Variants in NDST4 observed in about 807,000 individuals in gnomAD.
NDST4 encodes the protein N-heparan sulfate sulfotransferase 4.
A neutral mutation model predicts 100.8 loss-of-function variants in NDST4; 63 were observed. The ratio of observed to expected loss-of-function variants is 0.62; its 90% CI spans 0.51 to 0.77. NDST4 has a LOEUF of 0.77. NDST4 is among the 30% of genes least tolerant of loss of function. The pLI is 0.00. For synonymous variants in NDST4, 377 were observed against 361.8 expected, an observed-to-expected ratio of 1.04 and a Z score of -0.48; for missense variants, 943 against 1,018.4, an observed-to-expected ratio of 0.93 and a Z score of 1.01.
intron 4 of NDST4, among the ~76,000 whole-genome samples, chr4:114,943,252 A>G (rs1406869167): frequency 6.6e-6 from 1 of 151,692 alleles, no homozygotes; most frequent in Non-Finnish European, 1.5e-5. Flanking sequence ...CTAAATATAC[A>G]TTGACATATA....
In NDST4 at chr4:115,077,163, A is replaced by C; in HGVS notation, c.-127T>G. ...ATGTAACCATCGCAAATCATGTAAA[A>C]TGTTTGAAGGGAGCACAACTGAGTT... is the stretch of plus-strand genomic sequence containing the variant. On this transcript the variant is annotated 5_prime_UTR_variant, in exon 2 of 14. Transcript: ENST00000264363. The C allele has an allele frequency of 1.1e-6, 1 of 905,820 alleles. No individual in the cohort carries two copies. Among genetic ancestry groups the C allele is most frequent in the Non-Finnish European group, 1.6e-6 (1 of 616,726 alleles). The allele number at this position is 905,820 out of a possible 1,614,324, so 56.1% of individuals were successfully genotyped here. A position where few individuals can be genotyped will look rare whatever the true frequency, so the allele number is the denominator to read the frequency against.
chr4:114,989,596 T>C (rs1726991328), intron 2 of NDST4, among the ~76,000 whole-genome samples: 1 of 152,150 alleles, frequency 6.6e-6, no homozygotes, highest in East Asian at 1.9e-4. Context: ...ATACATAATA[T>C]TCATGATTTA....
At chr4:114,834,797 G>C (rs568045064) in intron 11 of NDST4, among the ~76,000 whole-genome samples, 1 of 152,078 alleles carries the variant, frequency 6.6e-6, no homozygotes, top group Non-Finnish European at 1.5e-5. Flanking sequence ...ACTTGTTATC[G>C]GTCTATTCAG....
intron 8 of NDST4, among the ~76,000 whole-genome samples, chr4:114,852,277 T>C (rs148867118): frequency 6.6e-6 from 1 of 152,254 alleles, no homozygotes; most frequent in Admixed American, 6.5e-5. Context: ...ATATGTAAAA[T>C]ATTTGAAAGT....
At chr4:114,874,415 A>C (rs1283021675) in intron 6 of NDST4, among the ~76,000 whole-genome samples, 5 of 152,182 alleles carry the variant, frequency 3.3e-5, no homozygotes. Context: ...TTCTAAGCTG[A>C]GGCATGCTGC....
chr4:114,880,016 G>T (rs1025211512), intron 6 of NDST4, among the ~76,000 whole-genome samples: 11 of 151,870 alleles, frequency 7.2e-5, no homozygotes, highest in African/African-American at 2.7e-4. Flanking sequence ...TTCAAGACTG[G>T]CTAGAGTGTA....
intron 1 of NDST4, among the ~76,000 whole-genome samples, chr4:115,083,342 C>T (rs1315460167): frequency 6.6e-6 from 1 of 151,964 alleles, no homozygotes; most frequent in Non-Finnish European, 1.5e-5. Context: ...ACCTGTAGTT[C>T]CAGCTACTTG....
At chr4:115,027,509 G>A (rs1433264568) in intron 2 of NDST4, among the ~76,000 whole-genome samples, 1 of 152,030 alleles carries the variant, frequency 6.6e-6, no homozygotes, top group African/African-American at 2.4e-5. Context: ...AGAGACTAGG[G>A]ATTCACAGGA....
intron 1 of NDST4, among the ~76,000 whole-genome samples, chr4:115,079,339 C>A (rs1251484014): frequency 2.3e-5 from 3 of 132,458 alleles, no homozygotes; most frequent in Admixed American, 1.6e-4. Flanking sequence ...CCAGTCTGGG[C>A]AACAAGAGCA....
At chr4:115,038,342 G>A (rs1458865703) in intron 2 of NDST4, among the ~76,000 whole-genome samples, 1 of 152,082 alleles carries the variant, frequency 6.6e-6, no homozygotes, top group Admixed American at 6.6e-5. Context: ...AAAGGAGAAA[G>A]CTGGGGAAAA....
At chr4:115,069,369 C>T (rs1729021147) in intron 2 of NDST4, among the ~76,000 whole-genome samples, 1 of 151,992 alleles carries the variant, frequency 6.6e-6, no homozygotes, top group Admixed American at 6.6e-5. Flanking sequence ...AACAGACAAC[C>T]TACAGAATGG....
chr4:115,104,620 T>A (rs1013317788), intron 1 of NDST4, among the ~76,000 whole-genome samples: 1 of 152,148 alleles, frequency 6.6e-6, no homozygotes, highest in Non-Finnish European at 1.5e-5. Context: ...TATAGTATGT[T>A]TTCCTGAAAA....
intron 6 of NDST4, among the ~76,000 whole-genome samples, chr4:114,905,772 C>A (rs1380200736): frequency 6.6e-6 from 1 of 151,944 alleles, no homozygotes; most frequent in Non-Finnish European, 1.5e-5. Flanking sequence ...TCATTTACTT[C>A]ATTAAAGATT....
chr4:115,033,151 A>T (rs1280640301), intron 2 of NDST4, among the ~76,000 whole-genome samples: 18 of 97,074 alleles, frequency 1.9e-4, no homozygotes, highest in Admixed American at 9.6e-4. Context: ...ATATATATAT[A>T]TATATATTTT....
At chr4:114,967,788 TA>T (rs869276464) in intron 4 of NDST4, among the ~76,000 whole-genome samples, 19 of 152,026 alleles carry the variant, frequency 1.2e-4, no homozygotes, top group African/African-American at 3.4e-4. Context: ...ATATTTTTTT[TA>T]AAAAAAATTA....
intron 6 of NDST4, among the ~76,000 whole-genome samples, chr4:114,922,249 TA>T (rs1725304438): frequency 6.6e-6 from 1 of 152,192 alleles, no homozygotes; most frequent in Admixed American, 6.5e-5. Flanking sequence ...GCATGCACAG[TA>T]AGAGGCAAGA....
chr4:115,033,447 C>T (rs1728166601), intron 2 of NDST4, among the ~76,000 whole-genome samples: 1 of 151,548 alleles, frequency 6.6e-6, no homozygotes, highest in Non-Finnish European at 1.5e-5. Context: ...TTAATTGTGT[C>T]TTCAATTTTT....
chr4:114,867,665 C>CAAAAAAAAAAAAAAAAAAAGAAA, intron 7 of NDST4, among the ~76,000 whole-genome samples: 13 of 79,892 alleles, frequency 1.6e-4, no homozygotes, highest in African/African-American at 3.9e-4. Flanking sequence ...AAAAAAAAAG[C>CAAAAAAAAAAAAAAAAAAAGAAA]AAAAAAAAAA....
chr4:114,956,254 G>A (rs577693559), intron 4 of NDST4, among the ~76,000 whole-genome samples: 1 of 152,234 alleles, frequency 6.6e-6, no homozygotes, highest in African/African-American at 2.4e-5. Context: ...CTTTATCTCT[G>A]AGCAGTGGCA....
Sources: allele counts gnomAD v4.1 joint callset (sites outside exome capture counted in the v4.1 genomes callset), GRCh38; gene constraint gnomAD v4.1.1; transcripts MANE v1.5; gene names NCBI Gene and HGNC (gene_info 2026-07-23, HGNC 2026-07-21).